Variants in SPOCK1 observed in about 807,000 individuals in gnomAD.
The protein encoded by SPOCK1 is SPARC (osteonectin), cwcv and kazal like domains proteoglycan 1, also known as testican-1.
Under a neutral mutation model 55.3 loss-of-function variants are expected in SPOCK1, and 23 were observed. That is an observed-to-expected ratio of 0.42 (90% CI 0.30 to 0.59). The LOEUF is 0.59. Among genes scored for constraint, SPOCK1 ranks in the 20% least tolerant of loss-of-function variants. The probability of loss-of-function intolerance (pLI) is 0.22; values close to 1 mark genes in which losing one functional copy is unlikely to be tolerated. For synonymous variants in SPOCK1, 226 were observed against 221.0 expected (o/e 1.02, Z -0.20); for missense variants, 499 against 552.5 (o/e 0.90, Z 0.97).
At chr5:137,139,064 G>A (rs943070494) in intron 4 of SPOCK1, among the ~76,000 whole-genome samples, 2 of 152,200 alleles carry the variant, frequency 1.3e-5, no homozygotes, top group Admixed American at 6.5e-5. Flanking sequence ...AAGGAAACAG[G>A]TGCTGAGCAC....
chr5:137,063,253 A>AAG (rs1186303710), intron 6 of SPOCK1, among the ~76,000 whole-genome samples: 10 of 151,600 alleles, frequency 6.6e-5, no homozygotes, highest in African/African-American at 2.4e-4. Flanking sequence ...AAAAAAAAAA[A>AAG]AAAAGAAAGA....
At chr5:137,161,664 C>T (rs184304442) in intron 3 of SPOCK1, among the ~76,000 whole-genome samples, 39 of 152,038 alleles carry the variant, frequency 2.6e-4, no homozygotes, top group Admixed American at 1.6e-3. Context: ...CTTTTGCTGA[C>T]GAAATGTTAT....
intron 2 of SPOCK1, among the ~76,000 whole-genome samples, chr5:137,353,990 G>A (rs371416606): frequency 1.3e-4 from 20 of 152,222 alleles, no homozygotes; most frequent in African/African-American, 4.6e-4. Context: ...ATTTCCTGAT[G>A]TCTGCCGAAA....
chr5:137,493,761 C>T (rs192968430), intron 2 of SPOCK1, among the ~76,000 whole-genome samples: 62 of 152,232 alleles, frequency 4.1e-4, no homozygotes, highest in African/African-American at 1.3e-3. Flanking sequence ...GCTGAGTTTC[C>T]GTGATGACAG....
chr5:137,281,628 C>G (rs1757167286), intron 2 of SPOCK1, among the ~76,000 whole-genome samples: 1 of 152,224 alleles, frequency 6.6e-6, no homozygotes, highest in Non-Finnish European at 1.5e-5. Context: ...TCACGTTTAC[C>G]CACAAGGCGG....
At chr5:137,380,186 G>A (rs1416809460) in intron 2 of SPOCK1, among the ~76,000 whole-genome samples, 1 of 152,220 alleles carries the variant, frequency 6.6e-6, no homozygotes, top group African/African-American at 2.4e-5. Flanking sequence ...CTCACTAAGG[G>A]CACAGGCAGG....
chr5:137,024,634 C>A (rs1751636782), intron 6 of SPOCK1, among the ~76,000 whole-genome samples: 1 of 150,660 alleles, frequency 6.6e-6, no homozygotes, highest in South Asian at 2.1e-4. Flanking sequence ...AGTAGAAGAA[C>A]CACAAAGCTA....
At chr5:137,150,754 G>T (rs1357630070) in intron 3 of SPOCK1, among the ~76,000 whole-genome samples, 8 of 152,124 alleles carry the variant, frequency 5.3e-5, no homozygotes, top group Non-Finnish European at 7.4e-5. Flanking sequence ...CTCCTACAGA[G>T]CCTGGCAGTG....
At chr5:137,014,449 A>C (rs2126976377) in intron 6 of SPOCK1, among the ~76,000 whole-genome samples, 1 of 152,338 alleles carries the variant, frequency 6.6e-6, no homozygotes, top group Middle Eastern at 3.4e-3. Flanking sequence ...TGTGGTCTAA[A>C]GACATTCAGG....
At chr5:137,058,234 G>C (rs1466302917) in intron 6 of SPOCK1, among the ~76,000 whole-genome samples, 2 of 152,194 alleles carry the variant, frequency 1.3e-5, no homozygotes, top group Non-Finnish European at 2.9e-5. Context: ...TATAATGTAA[G>C]GGTAAGAGCA....
chr5:137,350,632 T>C (rs1750657153), intron 2 of SPOCK1, among the ~76,000 whole-genome samples: 2 of 152,098 alleles, frequency 1.3e-5, no homozygotes, highest in South Asian at 4.2e-4. Context: ...TGCTTGTTGG[T>C]CTCAAGGGCA....
chr5:137,244,981 G>T (rs191780814), intron 3 of SPOCK1, among the ~76,000 whole-genome samples: 1 of 152,252 alleles, frequency 6.6e-6, no homozygotes, highest in Non-Finnish European at 1.5e-5. Context: ...TACCTAATAA[G>T]AGAAAATTGC....
At chr5:137,229,026 T>G (rs1756001026) in intron 3 of SPOCK1, among the ~76,000 whole-genome samples, 1 of 152,106 alleles carries the variant, frequency 6.6e-6, no homozygotes, top group African/African-American at 2.4e-5. Context: ...GGCTGCCCAG[T>G]CCAGGCCTTC....
intron 2 of SPOCK1, among the ~76,000 whole-genome samples, chr5:137,306,370 C>T (rs149437480): frequency 6.6e-6 from 1 of 152,316 alleles, no homozygotes; most frequent in East Asian, 1.9e-4. Context: ...CACAAATGCT[C>T]ATGCTTTGTT....
intron 3 of SPOCK1, among the ~76,000 whole-genome samples, chr5:137,161,485 A>C (rs140098091): frequency 3.3e-5 from 5 of 152,296 alleles, no homozygotes; most frequent in African/African-American, 1.2e-4. Flanking sequence ...TTGGGCTCCA[A>C]CGGAAGTAAT....
At chr5:137,423,253 G>A (rs1253419755) in intron 2 of SPOCK1, among the ~76,000 whole-genome samples, 3 of 152,228 alleles carry the variant, frequency 2.0e-5, no homozygotes, top group African/African-American at 7.2e-5. Context: ...TGAGGAGGCA[G>A]TCTGTCTGTT....
intron 4 of SPOCK1, among the ~76,000 whole-genome samples, chr5:137,130,094 A>G (rs1753845550): frequency 6.6e-6 from 1 of 152,312 alleles, no homozygotes; most frequent in Non-Finnish European, 1.5e-5. Context: ...GTGAAGCTAG[A>G]GGCAAGATGG....
rs1755797197 is a variant in SPOCK1 at position 137,219,104 on chromosome 5, T to C, written c.232+47906A>G. The stretch of plus-strand genomic sequence containing the variant: ...GGAATCTCTCCAAATAGATGACGGC[T>C]GCCAAATCTGCACACAGGAAATGCT... On this transcript the variant is annotated intron_variant, in intron 3 of 10. Transcript: ENST00000394945. 2.6e-5 allele frequency among the ~76,000 whole-genome samples: 4 copies of C among 152,322 alleles called. No individual in the cohort carries two copies. The South Asian group carries it at 8.3e-4, about 32-fold the overall frequency.
intron 2 of SPOCK1, among the ~76,000 whole-genome samples, chr5:137,439,233 A>G (rs867622073): frequency 1.3e-5 from 2 of 152,196 alleles, no homozygotes; most frequent in Admixed American, 6.5e-5. Context: ...TCAATGCTGG[A>G]TGAAGAGTCA....
Sources: allele counts gnomAD v4.1 joint callset (sites outside exome capture counted in the v4.1 genomes callset), GRCh38; gene constraint gnomAD v4.1.1; transcripts MANE v1.5; gene names NCBI Gene and HGNC (gene_info 2026-07-23, HGNC 2026-07-21).